The following CSMD2 variants were observed in gnomAD, a reference collection of about 807,000 sequenced individuals.
CSMD2 encodes the protein CUB and sushi domain-containing protein 2.
In CSMD2, 130 loss-of-function variants were observed where a neutral mutation model predicts 398.5. That is an observed-to-expected ratio of 0.33 (90% confidence interval 0.28 to 0.38). The LOEUF (loss-of-function observed/expected upper bound fraction) is 0.38. Among genes scored for constraint, CSMD2 ranks in the 10% least tolerant of loss-of-function variants. CSMD2 has a pLI of 1.00. For missense variants in CSMD2, 3,829 were observed against 4,764.9 expected (o/e 0.80, Z 5.78); for synonymous variants, 1,828 against 1,908.5 (o/e 0.96, Z 1.10).
intron 11 of CSMD2, 55 bp downstream of exon 11, chr1:33,792,368 C>T (rs1431200203): frequency 3.0e-6 from 4 of 1,330,594 alleles, no homozygotes; most frequent in Non-Finnish European, 4.3e-6. Context: ...AAACCCCACC[C>T]CACCAACCCC....
chr1:33,582,530 C>T (rs1187271622), intron 47 of CSMD2, among the ~76,000 whole-genome samples: 1 of 152,134 alleles, frequency 6.6e-6, no homozygotes, highest in Non-Finnish European at 1.5e-5. Context: ...CGCACAATGA[C>T]AATAATTGTA....
chr1:34,090,217 C>T (rs1221170362), intron 1 of CSMD2, among the ~76,000 whole-genome samples: 1 of 152,214 alleles, frequency 6.6e-6, no homozygotes, highest in Non-Finnish European at 1.5e-5. Context: ...TTCAGATCGA[C>T]ACCGGGGTGG....
chr1:34,043,985 C>G (rs1652182214), intron 2 of CSMD2, among the ~76,000 whole-genome samples: 1 of 152,220 alleles, frequency 6.6e-6, no homozygotes, highest in Non-Finnish European at 1.5e-5. Context: ...CAGAAGAAAA[C>G]TCTTGGAAGC....
chr1:33,739,986 A>G lies in CSMD2; in HGVS notation c.2174-652T>C, dbSNP rs115211453. Among the ~76,000 whole-genome samples, 635 of 152,304 alleles carry G rather than the reference A, an allele frequency of 4.2e-3. 3 individuals carry two copies. The highest frequency in any genetic ancestry group is 0.015 in the African/African-American group (603 of 41,560). ...TCATGCTTTGCCTTTTATTCGTTAC[A>G]TGGTCCTGGACAACTTATGCAATTC... is the stretch of plus-strand genomic sequence containing the variant. On this transcript the variant is annotated intron_variant, in intron 14 of 70. Transcript: ENST00000373381.
intron 15 of CSMD2, 55 bp downstream of exon 15, chr1:33,739,085 C>A (rs547320467): frequency 1.1e-5 from 17 of 1,544,814 alleles, no homozygotes; most frequent in Non-Finnish European, 1.4e-5. Context: ...CTTGCTCCCC[C>A]TCCCCAGCCT....
Position 33,521,489 on chromosome 1 carries a change from A to G in CSMD2, c.10571T>C (p.Phe3524Ser), listed in dbSNP as rs769231175. Reference protein sequence around the residue: ...IYQGSVKGQGFGQFGFQRLDL... With the variant: ...IYQGSVKGQGSGQFGFQRLDL... ...CAGTCTTTGAAAGCCGAACTGCCCA[A>G]AGCCTTGGCCCTTGACAGAGCCTTG... Residue 3524 changes from phenylalanine (F) to serine (S), a missense_variant, in exon 68 of 71, where the codon TTT becomes TCT. By Grantham distance (155) the Phe-to-Ser change is radical (BLOSUM62 -2). Around this residue, in one of 5 missense-constraint regions of CSMD2, gnomAD observed 917 missense variants for 1,199.5 expected, o/e 0.76. Transcript: ENST00000373381. The G allele has an allele frequency of 6.2e-7, 1 of 1,613,614 alleles. No homozygotes were observed. The highest frequency in any genetic ancestry group is 2.2e-5 in the East Asian group (1 of 44,874).
chr1:33,627,563 A>G (rs78589567), intron 32 of CSMD2, among the ~76,000 whole-genome samples: 2,193 of 152,270 alleles, frequency 0.014, 45 homozygotes, highest in African/African-American at 0.049. Context: ...GTTGGGACCC[A>G]CAACGGAACT....
chr1:33,529,190 G>A (rs1424426112), intron 64 of CSMD2, among the ~76,000 whole-genome samples: 3 of 152,146 alleles, frequency 2.0e-5, no homozygotes, highest in Non-Finnish European at 4.4e-5. Flanking sequence ...ATCCAGGCTG[G>A]AGTGCAGTGG....
intron 1 of CSMD2, among the ~76,000 whole-genome samples, chr1:34,145,680 C>T (rs368263489): frequency 4.6e-5 from 7 of 152,276 alleles, no homozygotes; most frequent in Admixed American, 1.3e-4. Flanking sequence ...GAACATCCCG[C>T]GCCATAACAA....
chr1:34,003,673 T>C (rs1481462997), intron 3 of CSMD2, among the ~76,000 whole-genome samples: 2 of 152,290 alleles, frequency 1.3e-5, no homozygotes, highest in African/African-American at 4.8e-5. Context: ...CATATCCCCT[T>C]GGTGGGGACA....
intron 44 of CSMD2, among the ~76,000 whole-genome samples, chr1:33,590,595 TCACACACACACACA>T (rs10611040): frequency 9.4e-5 from 13 of 137,638 alleles, no homozygotes; most frequent in South Asian, 2.5e-4. Flanking sequence ...CTATTTCCCA[TCACACACACACACA>T]CACACACACA....
At chr1:33,658,646 G>A (rs1471733985) in intron 26 of CSMD2, among the ~76,000 whole-genome samples, 2 of 152,228 alleles carry the variant, frequency 1.3e-5, no homozygotes, top group African/African-American at 4.8e-5. Flanking sequence ...AAGGTCACTT[G>A]AGGTCAGGAG....
At chr1:33,534,390 A>C (rs774112543) in intron 62 of CSMD2, among the ~76,000 whole-genome samples, 1 of 152,180 alleles carries the variant, frequency 6.6e-6, no homozygotes, top group Non-Finnish European at 1.5e-5. Flanking sequence ...TTCCTCAATG[A>C]AATTGCAAAT....
Position 33,602,483 on chromosome 1 carries a change from G to A in CSMD2, c.6596C>T (p.Pro2199Leu), listed in dbSNP as rs780546609. The change falls in exon 43 of 71, where the codon CCG (proline) becomes CTG (leucine). Residue 2199 changes from proline to leucine, a missense_variant. Pro to Leu is a moderately conservative substitution (Grantham distance 98). Around this residue, in one of 5 missense-constraint regions of CSMD2, gnomAD observed 723 missense variants for 758.6 expected, o/e 0.95. Coordinates refer to ENST00000373381, the MANE Select transcript of CSMD2 (RefSeq NM_001281956.2). ...GACACAGTCCTGGGAGCTGGAGTAC[G>A]GGCTAGGGAACCCCGGGGAGTACAC... Reference protein sequence around the residue: ...GTVYSPGFPSPYSSSQDCVWL... With the variant: ...GTVYSPGFPSLYSSSQDCVWL... The A allele has an allele frequency of 1.5e-5, 24 of 1,613,542 alleles. No individual in the cohort carries two copies. The highest frequency in any genetic ancestry group is 6.7e-5 in the Admixed American group (4 of 59,962).
At position 33,514,617 on chromosome 1, in the gene CSMD2, G is replaced by A. The variant is rs983340375; in HGVS notation, c.*2007C>T. The A allele has an allele frequency of 1.3e-5, 2 of 151,684 alleles. No homozygotes were observed. Among genetic ancestry groups the A allele is most frequent in the African/African-American group, 4.8e-5 (2 of 41,246 alleles). The allele number at this position is 151,684 out of a possible 1,614,324, so 9.4% of individuals were successfully genotyped here. ...GGCATCCGCTGGGTGGTCTGAGAGGGGCATAAGAAGGGGGAAGGGAGCAGT... is the reference window on the plus strand; with the variant it reads ...GGCATCCGCTGGGTGGTCTGAGAGGAGCATAAGAAGGGGGAAGGGAGCAGT... On this transcript the variant is annotated 3_prime_UTR_variant, in exon 71 of 71. Transcript: ENST00000373381.
intron 2 of CSMD2, among the ~76,000 whole-genome samples, chr1:34,073,301 G>A (rs982481990): frequency 1.3e-5 from 2 of 152,164 alleles, no homozygotes; most frequent in Admixed American, 1.3e-4. Flanking sequence ...AATGCCTTTG[G>A]CCTCAAACCC....
intron 1 of CSMD2, among the ~76,000 whole-genome samples, chr1:34,157,772 C>T (rs781407310): frequency 6.6e-6 from 1 of 152,022 alleles, no homozygotes; most frequent in Non-Finnish European, 1.5e-5. Flanking sequence ...TTGATCCTAC[C>T]CAACTTACAC....
intron 62 of CSMD2, 123 bp from the exon 63 acceptor site, chr1:33,534,030 G>A: frequency 1.6e-6 from 1 of 624,050 alleles, no homozygotes; most frequent in Non-Finnish European, 2.9e-6. Flanking sequence ...CTCTTTTTCT[G>A]ATTCTCCGCC....
At chr1:33,990,771 AGGG>A (rs1646524700) in intron 3 of CSMD2, among the ~76,000 whole-genome samples, 1 of 152,230 alleles carries the variant, frequency 6.6e-6, no homozygotes, top group East Asian at 1.9e-4. Context: ...GGTTGAGGCC[AGGG>A]GTGAGCCTAC....
Sources: allele counts gnomAD v4.1 joint callset (sites outside exome capture counted in the v4.1 genomes callset), GRCh38; gene constraint gnomAD v4.1.1; regional missense constraint gnomAD v4.1.1; transcripts MANE v1.5; gene names NCBI Gene and HGNC (gene_info 2026-07-23, HGNC 2026-07-21).